Variants in LUC7L2 observed in about 807,000 individuals in gnomAD.
The protein encoded by LUC7L2 is LUC7 like 2, pre-mRNA splicing factor.
Under a neutral mutation model 52.8 loss-of-function variants are expected in LUC7L2, and 25 were observed. That is an observed-to-expected ratio of 0.47 (90% CI 0.34 to 0.66). LUC7L2 has a LOEUF of 0.66. LUC7L2 is among the 30% of genes least tolerant of loss of function. The pLI, the probability that LUC7L2 is intolerant of heterozygous loss-of-function variation, is 0.01. For missense variants in LUC7L2, 328 were observed against 497.8 expected, an observed-to-expected ratio of 0.66 and a Z score of 3.25; for synonymous variants, 144 against 160.9, an observed-to-expected ratio of 0.89 and a Z score of 0.80.
chr7:139,360,220 T>C lies in LUC7L2; in HGVS notation c.-42T>C, dbSNP rs549720916. 18 of 1,466,500 alleles carry C rather than the reference T, an allele frequency of 1.2e-5. No individual in the cohort carries two copies. In the Admixed American group the frequency reaches 1.4e-4, roughly 11 times the overall value. 90.8% of individuals were successfully genotyped at this position (1,466,500 alleles called of 1,614,324 possible). A position where few individuals can be genotyped will look rare whatever the true frequency, so the allele number is the denominator to read the frequency against. On this transcript the variant is annotated 5_prime_UTR_variant, in exon 1 of 10. Coordinates refer to ENST00000354926, the MANE Select transcript of LUC7L2 (RefSeq NM_016019.5). The stretch of plus-strand genomic sequence containing the variant: ...TATCCCCCAGCCCAAAAGGGCCCGG[T>C]CTGCGCCCCACCCCCGCCCGTCCGC...
rs180789555 is a variant in LUC7L2 at position 139,373,382 on chromosome 7, G to A, written c.62-2680G>A. Reference sequence around the variant, plus strand: ...ATTTCTGTATCTCAAATTATTAAGCGTTTTATTATTTCATTGTTTTAAAGA... The same window carrying A: ...ATTTCTGTATCTCAAATTATTAAGCATTTTATTATTTCATTGTTTTAAAGA... On this transcript the variant is annotated intron_variant, in intron 1 of 9. Coordinates refer to ENST00000354926, the MANE Select transcript of LUC7L2 (RefSeq NM_016019.5). Among the ~76,000 whole-genome samples, 17 of 152,130 alleles carry A rather than the reference G, an allele frequency of 1.1e-4. 1 individual carries two copies. In the East Asian group the frequency reaches 2.7e-3, roughly 24 times the overall value.
intron 2 of LUC7L2, among the ~76,000 whole-genome samples, chr7:139,384,959 A>G (rs1052298545): frequency 1.3e-5 from 2 of 151,962 alleles, no homozygotes; most frequent in Non-Finnish European, 2.9e-5. Flanking sequence ...CATTTTATAT[A>G]CTATTTAAAA....
At chr7:139,405,559 T>G in intron 4 of LUC7L2, 85 bp from the exon 5 acceptor site, 1 of 1,455,646 alleles carries the variant, frequency 6.9e-7, no homozygotes, top group South Asian at 1.5e-5. Flanking sequence ...AGATAACAAG[T>G]TTTTTCTCAG....
chr7:139,406,292 T>G (rs1795110637), intron 5 of LUC7L2, among the ~76,000 whole-genome samples: 1 of 151,728 alleles, frequency 6.6e-6, no homozygotes, highest in Non-Finnish European at 1.5e-5. Context: ...CCTCAGGTGA[T>G]CCACCTGCCT....
chr7:139,412,844 A>G (rs999992990), intron 8 of LUC7L2: 50 of 214,070 alleles, frequency 2.3e-4, no homozygotes, highest in South Asian at 9.4e-4. Context: ...AAAAAAAAAA[A>G]AAAAGAAAAT....
At chr7:139,345,589 A>G in intron 1 of LUC7L2, 2 of 1,614,026 alleles carry the variant, frequency 1.2e-6, no homozygotes, top group Non-Finnish European at 1.7e-6. Context: ...ATCCGGAAAC[A>G]TGTGGCCCTA....
At chr7:139,365,294 A>G (rs1284117285) in intron 1 of LUC7L2, among the ~76,000 whole-genome samples, 2 of 152,206 alleles carry the variant, frequency 1.3e-5, no homozygotes, top group Non-Finnish European at 2.9e-5. Flanking sequence ...TCCTCAAGTA[A>G]GCATATGCTT....
intron 2 of LUC7L2, among the ~76,000 whole-genome samples, chr7:139,380,543 T>G (rs1222659464): frequency 1.3e-5 from 2 of 152,208 alleles, no homozygotes; most frequent in African/African-American, 4.8e-5. Context: ...GAGGTTGCAG[T>G]GAGCTGAGAT....
chr7:139,403,359 G>C (rs1347283728), intron 4 of LUC7L2, among the ~76,000 whole-genome samples: 1 of 152,162 alleles, frequency 6.6e-6, no homozygotes, highest in Non-Finnish European at 1.5e-5. Flanking sequence ...ATTCCATTCA[G>C]TATGATCAAG....
At chr7:139,421,992 C>T (rs943090579) in intron 9 of LUC7L2, among the ~76,000 whole-genome samples, 171 bp from the exon 10 acceptor site, 3 of 152,148 alleles carry the variant, frequency 2.0e-5, no homozygotes, top group Admixed American at 6.6e-5. Flanking sequence ...TGTTTTAATG[C>T]CCTTATCAAC....
At chr7:139,341,304 C>A in intron 1 of LUC7L2, 1 of 1,533,046 alleles carries the variant, frequency 6.5e-7, no homozygotes, top group Non-Finnish European at 8.8e-7. Context: ...TCCGACCGTA[C>A]CATTAGGCGC....
At position 139,340,517 on chromosome 7, in the gene LUC7L2, G is replaced by A. The variant is rs539257512; in HGVS notation, c.-26G>A. 22 of 398,500 alleles carry A rather than the reference G, an allele frequency of 5.5e-5. No homozygotes were observed. In the South Asian group the frequency reaches 2.8e-3, roughly 51 times the overall value. The allele number at this position is 398,500 out of a possible 1,614,324, so 24.7% of individuals were successfully genotyped here. On this transcript the variant is annotated splice_region_variant and 5_prime_UTR_variant, in exon 1 of 11. Coordinates refer to the LUC7L2 transcript ENST00000541170. ...TCCGGAGCATCGGTGCAGTTTCGAG[G>A]GTAAAGCCTTTGGCGCGGTGATGTG...
chr7:139,375,182 TGTTATTGGAGCTA>T, intron 1 of LUC7L2: 1 of 983,522 alleles, frequency 1.0e-6, no homozygotes, highest in Non-Finnish European at 1.2e-6. Flanking sequence ...ATCTATATTT[TGTTATTGGAGCTA>T]GTTACCTTTC....
At chr7:139,407,653 A>G (rs1179685966) in intron 6 of LUC7L2, among the ~76,000 whole-genome samples, 1 of 152,048 alleles carries the variant, frequency 6.6e-6, no homozygotes, top group Non-Finnish European at 1.5e-5. Flanking sequence ...GTTCTTTTCA[A>G]TAAGGTCAAT....
At chr7:139,394,685 A>G (rs546089194) in intron 2 of LUC7L2, among the ~76,000 whole-genome samples, 2 of 152,338 alleles carry the variant, frequency 1.3e-5, no homozygotes, top group Admixed American at 6.5e-5. Context: ...AAGGAAGTAG[A>G]CAGCTGCTTT....
chr7:139,361,099 T>G (rs1329638370), intron 1 of LUC7L2, among the ~76,000 whole-genome samples: 1 of 152,244 alleles, frequency 6.6e-6, no homozygotes, highest in Non-Finnish European at 1.5e-5. Flanking sequence ...AGAATCTGTA[T>G]AGAGAGCCCT....
chr7:139,402,275 C>G (rs762093230), intron 4 of LUC7L2, 28 bp downstream of exon 4: 67 of 1,547,082 alleles, frequency 4.3e-5, no homozygotes, highest in Admixed American at 1.1e-4. Context: ...TTCATTAGTA[C>G]AAAGTATTAT....
intron 7 of LUC7L2, among the ~76,000 whole-genome samples, chr7:139,411,650 GTCCTACTAGCCATAATAT>G (rs1795364783): frequency 1.3e-5 from 2 of 152,116 alleles, no homozygotes; most frequent in South Asian, 4.1e-4. Context: ...TCCCTGTGGT[GTCCTACTAGCCATAATAT>G]TCACTTTACA....
chr7:139,409,465 G>T (rs1225108897), intron 6 of LUC7L2, 98 bp from the exon 7 acceptor site: 1 of 1,385,204 alleles, frequency 7.2e-7, no homozygotes, highest in Non-Finnish European at 9.4e-7. Context: ...TTTGACAGCA[G>T]TTGTACTGTA....
Sources: gnomAD v4.1 joint callset for allele counts (sites outside exome capture counted in the v4.1 genomes callset) on GRCh38, gnomAD v4.1.1 for gene constraint, MANE v1.5 for transcripts, NCBI Gene and HGNC (gene_info 2026-07-23, HGNC 2026-07-21) for gene names.